Variants in CHD5 observed in about 807,000 individuals in gnomAD.
The protein encoded by CHD5 is ATP-dependent chromatin remodeler CHD5.
CHD5 carries 69 observed loss-of-function variants against 230.3 expected under a neutral mutation model. That is an observed-to-expected ratio of 0.30 (90% CI 0.25 to 0.37). The LOEUF is 0.37. Among genes scored for constraint, CHD5 ranks in the 10% least tolerant of loss-of-function variants. CHD5 has a pLI of 1.00. For synonymous variants in CHD5, 1,064 were observed against 1,065.9 expected (o/e 1.00, Z 0.03); for missense variants, 1,827 against 2,622.8 (o/e 0.70, Z 6.63).
In CHD5 at chr1:6,112,196, T is replaced by C; in HGVS notation, c.5084A>G (p.Glu1695Gly). The change falls in exon 35 of 42, where the codon GAG becomes GGG. Residue 1695 changes from glutamate to glycine, a missense_variant. Coordinates refer to ENST00000262450, the MANE Select transcript of CHD5 (RefSeq NM_015557.3). ...DKEEDDEGKKEDKKGKFKFMF... is the reference protein window; with the variant it reads ...DKEEDDEGKKGDKKGKFKFMF... ...GAACTTGAATTTCCCCTTCTTGTCC[T>C]CCTTCTTCCCCTCGTCATCTTCCTC... is the stretch of plus-strand genomic sequence containing the variant. The C allele has an allele frequency of 6.2e-7, 1 of 1,614,184 alleles. No individual in the cohort carries two copies. The highest frequency in any genetic ancestry group is 8.5e-7 in the Non-Finnish European group (1 of 1,180,026).
At chr1:6,157,736 G>A (rs1667101746) in intron 3 of CHD5, among the ~76,000 whole-genome samples, 1 of 152,194 alleles carries the variant, frequency 6.6e-6, no homozygotes, top group African/African-American at 2.4e-5. Context: ...GATGGCACAC[G>A]GACCCCTTGG....
Position 6,124,555 on chromosome 1 carries a change from G to C in CHD5, c.4501C>G (p.Leu1501Val). The change falls in exon 30 of 42, where the codon CTG becomes GTG. Residue 1501 changes from leucine (L) to valine (V), a missense_variant. Transcript: ENST00000262450. Reference protein sequence around the residue: ...PREGLSRQHVLTRIGVMSLVR... With the variant: ...PREGLSRQHVVTRIGVMSLVR... ...AGTGACATGACCCCGATGCGGGTCA[G>C]CACGTGCTGCCTGGAGAGGCCCTCC... The C allele has an allele frequency of 6.2e-7, 1 of 1,613,746 alleles. No individual in the cohort carries two copies.
chr1:6,118,649 G>A (rs1266536694), intron 33 of CHD5, among the ~76,000 whole-genome samples: 1 of 152,070 alleles, frequency 6.6e-6, no homozygotes, highest in Non-Finnish European at 1.5e-5. Context: ...AGATAATGGT[G>A]ATGGTTGCAC....
Position 6,106,634 on chromosome 1 carries a change from C to T in CHD5, c.5724G>A (p.Gly1908=), listed in dbSNP as rs1281686457. The T allele has an allele frequency of 2.5e-6, 4 of 1,584,714 alleles. No homozygotes were observed. The Admixed American group carries it at 5.3e-5, about 21-fold the overall frequency. ...GCCTGACCTGCTGGATGGTGGGGTC[C>T]CCGGCGCGGTTGGTCAGGCGGCTCA... The part of the protein sequence containing the change: ...SILSRLTNRA[G]DPTIQQGAFG... Residue 1908 remains glycine, a synonymous_variant, in exon 39 of 42, where the codon GGG becomes GGA. Coordinates refer to ENST00000262450, the MANE Select transcript of CHD5 (RefSeq NM_015557.3).
Position 6,158,733 on chromosome 1 carries a change from C to T in CHD5, c.387+603G>A, listed in dbSNP as rs1453106339. Among the ~76,000 whole-genome samples, 4 of 152,172 alleles carry T rather than the reference C, an allele frequency of 2.6e-5. 1 individual carries two copies. In the East Asian group the frequency reaches 5.8e-4, roughly 22 times the overall value. On this transcript the variant is annotated intron_variant, in intron 3 of 41. Coordinates refer to ENST00000262450, the MANE Select transcript of CHD5 (RefSeq NM_015557.3). ...GCGAGGTCAAGAGATGGAGGCCGGGCGCGGTGGCTCACACCTGTAATCCCA... is the reference window on the plus strand; with the variant it reads ...GCGAGGTCAAGAGATGGAGGCCGGGTGCGGTGGCTCACACCTGTAATCCCA...
chr1:6,125,186 G>T lies in CHD5; in HGVS notation c.4308C>A (p.Ile1436=). 2.5e-6 allele frequency: 4 copies of T among 1,607,856 alleles called. No homozygotes were observed. Among genetic ancestry groups the T allele is most frequent in the Non-Finnish European group, 2.5e-6 (3 of 1,178,306 alleles). The change falls in exon 29 of 42, where the codon ATC becomes ATA. Residue 1436 remains isoleucine, a synonymous_variant. Coordinates refer to ENST00000262450, the MANE Select transcript of CHD5 (RefSeq NM_015557.3). The surrounding 1 kb of genome is among the most constrained non-coding windows in gnomAD (Gnocchi z 6.7). The part of the protein sequence containing the change: ...ARQRKAFLNA[I]MRWGMPPQDA... ...CCTGCGGGGGCATGCCCCAGCGCAT[G>T]ATGGCGTTCAGAAAGGCCTTCCGCT...
At chr1:6,164,032 C>G (rs1667216163) in intron 2 of CHD5, among the ~76,000 whole-genome samples, 1 of 152,218 alleles carries the variant, frequency 6.6e-6, no homozygotes, top group Non-Finnish European at 1.5e-5. Flanking sequence ...CAGGAGGGGT[C>G]TCTGCTCTGA....
At chr1:6,171,527 C>T (rs559776682) in intron 1 of CHD5, among the ~76,000 whole-genome samples, 36 of 152,118 alleles carry the variant, frequency 2.4e-4, no homozygotes, top group Non-Finnish European at 3.5e-4. Context: ...ACACCTCACA[C>T]GCTCCCGTCT....
chr1:6,139,437 G>A (rs891460349), intron 15 of CHD5, among the ~76,000 whole-genome samples: 15 of 151,954 alleles, frequency 9.9e-5, no homozygotes, highest in East Asian at 5.8e-4. Flanking sequence ...GGGTTTCACC[G>A]TGTTGGCCAG....
At chr1:6,143,763 A>C (rs1666867536) in intron 13 of CHD5, 60 bp downstream of exon 13, 1 of 1,451,128 alleles carries the variant, frequency 6.9e-7, no homozygotes, top group Admixed American at 1.7e-5. Context: ...TGCACATTCA[A>C]GTCTGAGGTG....
Position 6,105,147 on chromosome 1 carries a change from T to C in CHD5, c.*327A>G, listed in dbSNP as rs1278159818. ...CGTGTTCAAGTCTTCAATAGGAAAG[T>C]GCAAAAGATGTACAAATAAATGAAA... On this transcript the variant is annotated 3_prime_UTR_variant, in exon 42 of 42. Transcript: ENST00000262450. The surrounding 1 kb of genome is among the most constrained non-coding windows in gnomAD (Gnocchi z 4.8). 1 of 343,724 alleles carries C rather than the reference T, an allele frequency of 2.9e-6. No individual in the cohort carries two copies. The highest frequency in any genetic ancestry group is 2.2e-5 in the South Asian group (1 of 45,440). 21.3% of individuals were successfully genotyped at this position (343,724 alleles called of 1,614,324 possible). A position where few individuals can be genotyped will look rare whatever the true frequency, so the allele number is the denominator to read the frequency against.
Position 6,135,382 on chromosome 1 carries a change from C to T in CHD5, c.2718G>A (p.Glu906=), listed in dbSNP as rs540677833. Residue 906 remains glutamate, a synonymous_variant, in exon 18 of 42, where the codon GAG becomes GAA. Transcript: ENST00000262450. ...CTTCCTTGGAGATGTCAGCAAACTC[C>T]TCCAGGAAGCCCTCCAGGTTGCTGC... ...ERFNNLEGFL[E]EFADISKEDQ... 6.2e-7 allele frequency: 1 copy of T among 1,611,268 alleles called. No individual in the cohort carries two copies. The highest frequency in any genetic ancestry group is 2.2e-5 in the East Asian group (1 of 44,846).
chr1:6,137,011 G>A, intron 15 of CHD5, 146 bp from the exon 16 acceptor site: 1 of 745,234 alleles, frequency 1.3e-6, no homozygotes, highest in Non-Finnish European at 2.1e-6. Context: ...GGACCAGAGG[G>A]GCAGATGCTG....
chr1:6,148,337 C>T (rs1417354888), intron 9 of CHD5, among the ~76,000 whole-genome samples: 2 of 152,200 alleles, frequency 1.3e-5, no homozygotes, highest in Admixed American at 6.5e-5. Flanking sequence ...CCCTAGAAGC[C>T]TCCTGCCCTC....
chr1:6,105,049 A>G lies in CHD5; in HGVS notation c.*425T>C. 3.4e-6 allele frequency: 1 copy of G among 292,390 alleles called. No homozygotes were observed. Among genetic ancestry groups the G allele is most frequent in the Non-Finnish European group, 6.6e-6 (1 of 150,860 alleles). The allele number at this position is 292,390 out of a possible 1,614,324, so 18.1% of individuals were successfully genotyped here. A position where few individuals can be genotyped will look rare whatever the true frequency, so the allele number is the denominator to read the frequency against. ...GTGCCAGGACTACCTTGGGTCTGGA[A>G]CCCATCGGTAAAGAGACATCAGTGC... On this transcript the variant is annotated 3_prime_UTR_variant, in exon 42 of 42. Coordinates refer to ENST00000262450, the MANE Select transcript of CHD5 (RefSeq NM_015557.3). The surrounding 1 kb of genome is among the most constrained non-coding windows in gnomAD (Gnocchi z 4.8).
In CHD5 at chr1:6,105,795, C is replaced by A. The variant is rs549250035; in HGVS notation, c.*47-368G>T. The stretch of plus-strand genomic sequence containing the variant: ...CCCCTCTCCTGGCCAATAGCCCCCA[C>A]AAAACCCTCAGCCACCCTCCTGGTC... On this transcript the variant is annotated intron_variant, in intron 41 of 41. Transcript: ENST00000262450. The surrounding 1 kb of genome is among the most constrained non-coding windows in gnomAD (Gnocchi z 4.8). Among the ~76,000 whole-genome samples, 3 of 152,364 alleles carry A rather than the reference C, an allele frequency of 2.0e-5. No individual in the cohort carries two copies. In the South Asian group the frequency reaches 6.2e-4, roughly 32 times the overall value.
chr1:6,180,160 C>CCCACCCCCCCAAACCT lies in CHD5; in HGVS notation c.-153_-138dup. The CCCACCCCCCCAAACCT allele has an allele frequency of 5.4e-6, 1 of 183,526 alleles. No homozygotes were observed. Among genetic ancestry groups the CCCACCCCCCCAAACCT allele is most frequent in the Non-Finnish European group, 1.0e-5 (1 of 97,032 alleles). 11.4% of individuals were successfully genotyped at this position (183,526 alleles called of 1,614,324 possible). Reference sequence around the variant, plus strand: ...CGAGAAGATGGCGGCCGCCTGCCCCCCCACCCCCCCAAACCTCCACCCCCC... The same window carrying CCCACCCCCCCAAACCT: ...CGAGAAGATGGCGGCCGCCTGCCCCCCCACCCCCCCAAACCTCCACCCCCCCAAACCTCCACCCCCC... On this transcript the variant is annotated 5_prime_UTR_variant, in exon 1 of 42. Transcript: ENST00000262450.
At chr1:6,157,583 A>C (rs1309356847) in intron 3 of CHD5, among the ~76,000 whole-genome samples, 3 of 152,170 alleles carry the variant, frequency 2.0e-5, no homozygotes, top group Non-Finnish European at 4.4e-5. Flanking sequence ...GTCTCCCAGC[A>C]CTGAGAACCA....
chr1:6,169,540 G>A (rs1667304824), intron 1 of CHD5, among the ~76,000 whole-genome samples: 1 of 152,238 alleles, frequency 6.6e-6, no homozygotes, highest in Non-Finnish European at 1.5e-5. Flanking sequence ...GTAGCCTGGG[G>A]TCTGACGCTC....
Sources: gnomAD v4.1 joint callset for allele counts (sites outside exome capture counted in the v4.1 genomes callset) on GRCh38, gnomAD v4.1.1 for gene constraint, Gnocchi (gnomAD v3.1) non-coding constraint, MANE v1.5 for transcripts, NCBI Gene and HGNC (gene_info 2026-07-23, HGNC 2026-07-21) for gene names.